Variants in STX8 observed in about 807,000 individuals in gnomAD.
STX8 encodes the protein syntaxin 8, also known as syntaxin-8.
In STX8, 23 loss-of-function variants were observed where a neutral mutation model predicts 37.5. The ratio of observed to expected loss-of-function variants is 0.61; its 90% CI spans 0.44 to 0.87. STX8 has a LOEUF of 0.87. Among genes scored for constraint, STX8 ranks in the 40% least tolerant of loss-of-function variants. The pLI, the probability that STX8 is intolerant of heterozygous loss-of-function variation, is 0.00. For missense variants in STX8, 313 were observed against 284.7 expected (o/e 1.10, Z -0.71); for synonymous variants, 115 against 99.1 (o/e 1.16, Z -0.95).
At chr17:9,316,540 G>T (rs1244324307) in intron 7 of STX8, among the ~76,000 whole-genome samples, 2 of 152,200 alleles carry the variant, frequency 1.3e-5, no homozygotes, top group Non-Finnish European at 2.9e-5. Flanking sequence ...CCAGGCTGCT[G>T]ACCATGTGGC....
chr17:9,375,926 T>C (rs1911565218), intron 7 of STX8, among the ~76,000 whole-genome samples: 1 of 152,192 alleles, frequency 6.6e-6, no homozygotes, highest in South Asian at 2.1e-4. Context: ...GGCCAGGCTC[T>C]AGAGCTCACT....
chr17:9,274,705 T>TAATAAA (rs1907601236), intron 7 of STX8, among the ~76,000 whole-genome samples: 1 of 124,208 alleles, frequency 8.1e-6, no homozygotes, highest in Non-Finnish European at 1.7e-5. Flanking sequence ...ATAATAATAA[T>TAATAAA]AATAATAATA....
At chr17:9,313,190 T>TA (rs1313004219) in intron 7 of STX8, among the ~76,000 whole-genome samples, 2 of 151,634 alleles carry the variant, frequency 1.3e-5, no homozygotes, top group East Asian at 1.9e-4. Flanking sequence ...AAACTCTGTC[T>TA]AAAAAAAAGA....
chr17:9,497,436 T>C (rs1189887738), intron 5 of STX8, among the ~76,000 whole-genome samples: 2 of 152,186 alleles, frequency 1.3e-5, no homozygotes, highest in Non-Finnish European at 2.9e-5. Flanking sequence ...AAATATCCAC[T>C]GATGAAATGA....
At chr17:9,523,064 G>C (rs1300042605) in intron 4 of STX8, among the ~76,000 whole-genome samples, 1 of 151,904 alleles carries the variant, frequency 6.6e-6, no homozygotes, top group Admixed American at 6.6e-5. Flanking sequence ...TGTAATCCCA[G>C]CACTTTGGGA....
Position 9,571,517 on chromosome 17 carries a change from G to A in STX8, c.18-3047C>T, listed in dbSNP as rs187871603. ...GGGTGGCTGAGGCAGGAGAATCGCT[G>A]GAACCCGGGAGGCAGAGGTTGCAGT... is the stretch of plus-strand genomic sequence containing the variant. On this transcript the variant is annotated intron_variant, in intron 1 of 7. Coordinates refer to ENST00000306357, the MANE Select transcript of STX8 (RefSeq NM_004853.3). Among the ~76,000 whole-genome samples, 119 of 150,388 alleles carry A rather than the reference G, an allele frequency of 7.9e-4. No individual in the cohort carries two copies. In the East Asian group the frequency reaches 9.1e-3, roughly 11 times the overall value.
Position 9,483,718 on chromosome 17 carries a change from G to A in STX8, c.541+8111C>T, listed in dbSNP as rs564048708. On this transcript the variant is annotated intron_variant, in intron 6 of 7. Transcript: ENST00000306357. ...ATTTTCTAGCACGTTCAAAGGACAC[G>A]CTGGTCTCCTCAATTCCAGGACTGA... Among the ~76,000 whole-genome samples the A allele has an allele frequency of 3.3e-5, 5 of 152,160 alleles. No homozygotes were observed. The South Asian group carries it at 1.0e-3, about 32-fold the overall frequency.
chr17:9,487,430 G>A (rs1041212131), intron 6 of STX8, among the ~76,000 whole-genome samples: 2 of 152,028 alleles, frequency 1.3e-5, no homozygotes, highest in Non-Finnish European at 2.9e-5. Context: ...AACACCTACA[G>A]CTATCATGGC....
intron 6 of STX8, among the ~76,000 whole-genome samples, chr17:9,432,902 T>C (rs576101666): frequency 6.6e-6 from 1 of 152,218 alleles, no homozygotes; most frequent in Non-Finnish European, 1.5e-5. Flanking sequence ...TCAGAGTAAA[T>C]TGTTTATAGC....
chr17:9,473,548 T>A (rs1905967952), intron 6 of STX8, among the ~76,000 whole-genome samples: 1 of 152,206 alleles, frequency 6.6e-6, no homozygotes, highest in Admixed American at 6.5e-5. Flanking sequence ...TCTAGATTAC[T>A]CATAATCCCT....
intron 6 of STX8, among the ~76,000 whole-genome samples, chr17:9,478,306 T>C (rs970724561): frequency 3.3e-5 from 5 of 152,150 alleles, no homozygotes; most frequent in Admixed American, 1.3e-4. Context: ...CAGCTAATTT[T>C]TGTATTTTTA....
chr17:9,419,158 C>A (rs1186675748), intron 6 of STX8, among the ~76,000 whole-genome samples: 1 of 151,882 alleles, frequency 6.6e-6, no homozygotes, highest in Non-Finnish European at 1.5e-5. Flanking sequence ...AACTCTTGGC[C>A]CCGAGTGAGC....
At chr17:9,490,077 C>T (rs183325712) in intron 6 of STX8, among the ~76,000 whole-genome samples, 187 of 152,284 alleles carry the variant, frequency 1.2e-3, no homozygotes, top group Non-Finnish European at 2.3e-3. Context: ...TTAGCCTGTT[C>T]GTGTTGGTAC....
chr17:9,564,929 C>T (rs573899161), intron 2 of STX8, among the ~76,000 whole-genome samples: 5 of 152,290 alleles, frequency 3.3e-5, no homozygotes, highest in African/African-American at 1.2e-4. Context: ...AAAGCTGGGC[C>T]GGGCGCAGTG....
chr17:9,280,563 A>G (rs1228272437), intron 7 of STX8, among the ~76,000 whole-genome samples: 1 of 152,234 alleles, frequency 6.6e-6, no homozygotes, highest in Non-Finnish European at 1.5e-5. Context: ...CAAAAAAGAA[A>G]CAAAATTTTA....
intron 6 of STX8, among the ~76,000 whole-genome samples, chr17:9,460,597 C>T (rs534032615): frequency 3.5e-5 from 5 of 143,424 alleles, no homozygotes; most frequent in Non-Finnish European, 6.0e-5. Flanking sequence ...AGCTTGAACC[C>T]GGGAGGTGGA....
intron 7 of STX8, among the ~76,000 whole-genome samples, chr17:9,365,582 G>C (rs1424153807): frequency 6.6e-6 from 1 of 152,242 alleles, no homozygotes. Flanking sequence ...GGAACTGTGA[G>C]TTACCCATGA....
At chr17:9,290,440 C>T (rs1218664700) in intron 7 of STX8, among the ~76,000 whole-genome samples, 1 of 152,236 alleles carries the variant, frequency 6.6e-6, no homozygotes, top group Non-Finnish European at 1.5e-5. Flanking sequence ...TTACACTCTC[C>T]TCTTGGCTGC....
rs551473991 is a variant in STX8, at chr17:9,502,824, C to T, written c.448+2214G>A. On this transcript the variant is annotated intron_variant, in intron 5 of 7. Coordinates refer to ENST00000306357, the MANE Select transcript of STX8 (RefSeq NM_004853.3). Reference sequence around the variant, plus strand: ...TATAATATAAGAGTGAAATGCAGGCCGGGCGCGGTGGCTCATGCCTGTAAT... The same window carrying T: ...TATAATATAAGAGTGAAATGCAGGCTGGGCGCGGTGGCTCATGCCTGTAAT... Among the ~76,000 whole-genome samples the T allele has an allele frequency of 1.6e-3, 241 of 152,052 alleles. 1 individual carries two copies. Among genetic ancestry groups the T allele is most frequent in the African/African-American group, 5.3e-3 (218 of 41,456 alleles).
Sources: gnomAD v4.1 joint callset for allele counts (sites outside exome capture counted in the v4.1 genomes callset) on GRCh38, gnomAD v4.1.1 for gene constraint, MANE v1.5 for transcripts, NCBI Gene and HGNC (gene_info 2026-07-23, HGNC 2026-07-21) for gene names.